GALNTL6: variants seen among roughly 807,000 people sequenced by gnomAD.
GALNTL6 encodes the protein polypeptide N-acetylgalactosaminyltransferase like 6.
GALNTL6 carries 46 observed loss-of-function variants against 73.7 expected under a neutral mutation model. The ratio of observed to expected loss-of-function variants is 0.62; its 90% CI spans 0.49 to 0.80. The LOEUF (loss-of-function observed/expected upper bound fraction) is 0.80. Ranked by LOEUF, GALNTL6 falls within the 30% of genes least tolerant of loss-of-function variation. The pLI, the probability that GALNTL6 is intolerant of heterozygous loss-of-function variation, is 0.00. For synonymous variants in GALNTL6, 259 were observed against 263.7 expected, an observed-to-expected ratio of 0.98 and a Z score of 0.17; for missense variants, 604 against 755.0, an observed-to-expected ratio of 0.80 and a Z score of 2.34.
At chr4:172,644,647 G>A (rs918272363) in intron 5 of GALNTL6, among the ~76,000 whole-genome samples, 4 of 151,780 alleles carry the variant, frequency 2.6e-5, no homozygotes, top group Non-Finnish European at 4.4e-5. Context: ...AAATGTTTGG[G>A]TTGAGTAAAG....
intron 5 of GALNTL6, among the ~76,000 whole-genome samples, chr4:172,376,122 C>T (rs747539087): frequency 2.0e-5 from 3 of 152,186 alleles, no homozygotes; most frequent in South Asian, 4.1e-4. Context: ...AAATTGTGTC[C>T]TTCTGATTAG....
intron 2 of GALNTL6, among the ~76,000 whole-genome samples, chr4:171,952,508 T>C (rs1388019899): frequency 6.6e-6 from 1 of 152,102 alleles, no homozygotes; most frequent in Non-Finnish European, 1.5e-5. Context: ...TAGTGATGTG[T>C]AAAAATTTCA....
intron 5 of GALNTL6, among the ~76,000 whole-genome samples, chr4:172,644,618 A>G (rs1199168086): frequency 6.6e-6 from 1 of 151,934 alleles, no homozygotes; most frequent in Non-Finnish European, 1.5e-5. Context: ...ACCACAATGT[A>G]CTTGTCCATT....
At chr4:172,270,230 G>A (rs990940419) in intron 3 of GALNTL6, among the ~76,000 whole-genome samples, 1 of 151,568 alleles carries the variant, frequency 6.6e-6, no homozygotes, top group East Asian at 1.9e-4. Flanking sequence ...AGGTTCTAAT[G>A]CATCCATATT....
rs565105912 is a variant in GALNTL6 at position 172,017,637 on chromosome 4, G to A, written c.138+202919G>A. Among the ~76,000 whole-genome samples the A allele has an allele frequency of 1.2e-4, 18 of 152,120 alleles. No homozygotes were observed. In the South Asian group the frequency reaches 1.5e-3, roughly 12 times the overall value. On this transcript the variant is annotated intron_variant, in intron 2 of 12. Transcript: ENST00000506823. ...TGATTGTGTTTCTGCTGTGAGAAACGACCCACCAGCAGAAAGGTCTGGAAC... is the reference window on the plus strand; with the variant it reads ...TGATTGTGTTTCTGCTGTGAGAAACAACCCACCAGCAGAAAGGTCTGGAAC...
rs1734363326 is a variant in GALNTL6 at position 172,504,175 on chromosome 4, A to AAAC, written c.553+155488_553+155489insCAA. Among the ~76,000 whole-genome samples the AAAC allele has an allele frequency of 5.1e-5, 2 of 39,290 alleles. 1 individual carries two copies. Among genetic ancestry groups the AAAC allele is most frequent in the African/African-American group, 1.5e-4 (2 of 12,974 alleles). 25.8% of individuals were successfully genotyped at this position (39,290 alleles called of 152,430 possible). A position where few individuals can be genotyped will look rare whatever the true frequency, so the allele number is the denominator to read the frequency against. ...ACTCTGTCTCAAAAAAAAAAAAAAA[A>AAAC]AAAACTCACACCTTGTTGATATTGG... On this transcript the variant is annotated intron_variant, in intron 5 of 12. Transcript: ENST00000506823.
intron 2 of GALNTL6, among the ~76,000 whole-genome samples, chr4:171,953,318 A>G (rs28558089): frequency 0.019 from 2,834 of 152,118 alleles, 90 homozygotes; most frequent in African/African-American, 0.065. Context: ...TAGCAGCAGT[A>G]TAAAGACTTG....
chr4:172,622,159 T>G (rs1359263876), intron 5 of GALNTL6, among the ~76,000 whole-genome samples: 1 of 152,144 alleles, frequency 6.6e-6, no homozygotes, highest in African/African-American at 2.4e-5. Flanking sequence ...AAAAGAAAGA[T>G]AGTTATGAAA....
intron 7 of GALNTL6, among the ~76,000 whole-genome samples, chr4:172,843,049 A>C (rs1743301561): frequency 6.6e-6 from 1 of 152,030 alleles, no homozygotes; most frequent in African/African-American, 2.4e-5. Context: ...AGGCAAGCTC[A>C]CCCTCTGGGA....
intron 2 of GALNTL6, among the ~76,000 whole-genome samples, chr4:172,122,525 A>C (rs887785920): frequency 1.3e-5 from 2 of 152,190 alleles, no homozygotes; most frequent in Admixed American, 1.3e-4. Flanking sequence ...GCTTCAGTAC[A>C]GACCAGTTCC....
At chr4:172,141,836 T>G (rs1733807438) in intron 2 of GALNTL6, among the ~76,000 whole-genome samples, 1 of 151,346 alleles carries the variant, frequency 6.6e-6, no homozygotes, top group African/African-American at 2.4e-5. Context: ...ATCTGATAGC[T>G]GATAATAAGC....
At chr4:171,993,808 A>G (rs1039558799) in intron 2 of GALNTL6, among the ~76,000 whole-genome samples, 1 of 151,758 alleles carries the variant, frequency 6.6e-6, no homozygotes, top group South Asian at 2.1e-4. Flanking sequence ...ATATACATAT[A>G]TATGTATATA....
intron 5 of GALNTL6, among the ~76,000 whole-genome samples, chr4:172,772,765 G>A (rs1417059641): frequency 2.6e-5 from 4 of 152,098 alleles, no homozygotes; most frequent in Non-Finnish European, 4.4e-5. Flanking sequence ...TGGAGCCTAG[G>A]AATATTATTT....
intron 5 of GALNTL6, among the ~76,000 whole-genome samples, chr4:172,731,795 C>T (rs960348886): frequency 2.6e-5 from 4 of 151,994 alleles, no homozygotes; most frequent in Non-Finnish European, 5.9e-5. Flanking sequence ...TTTATTGACC[C>T]ATTGGTCATT....
intron 2 of GALNTL6, among the ~76,000 whole-genome samples, chr4:172,189,654 C>A (rs1230272574): frequency 2.0e-5 from 3 of 152,132 alleles, no homozygotes; most frequent in Admixed American, 2.0e-4. Flanking sequence ...ATATTATTTA[C>A]ACTTGAATAA....
At chr4:172,794,737 A>T (rs1283777515) in intron 5 of GALNTL6, among the ~76,000 whole-genome samples, 4 of 152,360 alleles carry the variant, frequency 2.6e-5, no homozygotes. Flanking sequence ...CTCTGTGCTC[A>T]CAATTAGACC....
chr4:171,968,780 C>A (rs1207027766), intron 2 of GALNTL6, among the ~76,000 whole-genome samples: 1 of 143,018 alleles, frequency 7.0e-6, no homozygotes, highest in Non-Finnish European at 1.5e-5. Context: ...CTGGGTCAGA[C>A]TTGTATGATG....
At chr4:172,611,274 T>C (rs1738516709) in intron 5 of GALNTL6, among the ~76,000 whole-genome samples, 2 of 152,196 alleles carry the variant, frequency 1.3e-5, no homozygotes, top group South Asian at 4.1e-4. Flanking sequence ...CTTTATAGTA[T>C]CAGTGGTCTA....
chr4:171,915,960 A>G (rs1217627339), intron 2 of GALNTL6, among the ~76,000 whole-genome samples: 1 of 152,166 alleles, frequency 6.6e-6, no homozygotes, highest in Middle Eastern at 3.2e-3. Context: ...GGAGAAATAC[A>G]TATGCAAAGG....
Sources: gnomAD v4.1 joint callset for allele counts (sites outside exome capture counted in the v4.1 genomes callset) on GRCh38, gnomAD v4.1.1 for gene constraint, MANE v1.5 for transcripts, NCBI Gene and HGNC (gene_info 2026-07-23, HGNC 2026-07-21) for gene names.